UGT1A8: variants seen among roughly 807,000 people sequenced by gnomAD.
UGT1A8 encodes UDP-glucuronosyltransferase 1A8.
Under a neutral mutation model 45.3 loss-of-function variants are expected in UGT1A8, and 39 were observed. That is an observed-to-expected ratio of 0.86 (90% CI 0.67 to 1.12). The LOEUF is 1.12. UGT1A8 is among the 50% of genes most tolerant of loss of function. UGT1A8 has a pLI of 0.00. For synonymous variants in UGT1A8, 275 were observed against 249.2 expected, an observed-to-expected ratio of 1.10 and a Z score of -0.97; for missense variants, 719 against 664.9, an observed-to-expected ratio of 1.08 and a Z score of -0.90.
rs191217588 is a variant in UGT1A8 at position 233,679,346 on chromosome 2, T to G, written c.855+60784T>G. Among the ~76,000 whole-genome samples the G allele has an allele frequency of 6.8e-4, 103 of 152,320 alleles. 1 individual carries two copies. The highest frequency in any genetic ancestry group is 2.0e-3 in the African/African-American group (82 of 41,572). On this transcript the variant is annotated intron_variant, in intron 1 of 4. Coordinates refer to ENST00000373450, the MANE Select transcript of UGT1A8 (RefSeq NM_019076.5). Reference sequence around the variant, plus strand: ...CGCGTTCTTATTGTTGAGTCCTTCTTTTTGTACAACAATAAAACTGTCAGT... The same window carrying G: ...CGCGTTCTTATTGTTGAGTCCTTCTGTTTGTACAACAATAAAACTGTCAGT...
At position 233,649,231 on chromosome 2, in the gene UGT1A8, G is replaced by C. The variant is rs139974672; in HGVS notation, c.855+30669G>C. Among the ~76,000 whole-genome samples, 542 of 152,254 alleles carry C rather than the reference G, an allele frequency of 3.6e-3. 12 individuals carry two copies. The highest frequency in any genetic ancestry group is 5.0e-3 in the East Asian group (26 of 5,188). On this transcript the variant is annotated intron_variant, in intron 1 of 4. Transcript: ENST00000373450. ...GTTAATATGTATGTGTATACGATTG[G>C]TTAATTGCTCATAATTTCCACTGCA...
chr2:233,620,344 T>C (rs1447752435), intron 1 of UGT1A8, among the ~76,000 whole-genome samples: 2 of 152,166 alleles, frequency 1.3e-5, no homozygotes, highest in Non-Finnish European at 2.9e-5. Context: ...TTAATTACAG[T>C]ACCAAGCACC....
intron 1 of UGT1A8, among the ~76,000 whole-genome samples, chr2:233,655,384 A>G (rs1275351931): frequency 6.6e-6 from 1 of 152,160 alleles, no homozygotes; most frequent in Non-Finnish European, 1.5e-5. Context: ...TCATTCCCCA[A>G]GGAGCAGGGA....
At position 233,720,744 on chromosome 2, in the gene UGT1A8, C is replaced by T. The variant is rs190457981; in HGVS notation, c.856-46290C>T. Reference sequence around the variant, plus strand: ...TTCTTGAGACTGAGCCTCGTTCTGTCGCCCAGGCTGGAGGGCAGTGGCCGG... The same window carrying T: ...TTCTTGAGACTGAGCCTCGTTCTGTTGCCCAGGCTGGAGGGCAGTGGCCGG... On this transcript the variant is annotated intron_variant, in intron 1 of 4. Coordinates refer to ENST00000373450, the MANE Select transcript of UGT1A8 (RefSeq NM_019076.5). 3.0e-3 allele frequency among the ~76,000 whole-genome samples: 450 copies of T among 148,806 alleles called. 4 individuals are homozygous for T. Among genetic ancestry groups the T allele is most frequent in the African/African-American group, 0.01 (408 of 40,338 alleles).
intron 1 of UGT1A8, among the ~76,000 whole-genome samples, chr2:233,660,315 A>G (rs989134855): frequency 6.6e-6 from 1 of 152,200 alleles, no homozygotes; most frequent in African/African-American, 2.4e-5. Flanking sequence ...AGTGCCTTGT[A>G]ACCCCTTGTT....
intron 1 of UGT1A8, among the ~76,000 whole-genome samples, chr2:233,720,702 T>C (rs983825744): frequency 6.7e-6 from 1 of 150,354 alleles, no homozygotes; most frequent in African/African-American, 2.5e-5. Flanking sequence ...AAGGGAGCCA[T>C]CCTTTTTTTT....
At chr2:233,714,888 A>ATCTTTTTTTTTT (rs148944858) in intron 1 of UGT1A8, among the ~76,000 whole-genome samples, 15,215 of 151,802 alleles carry the variant, frequency 0.1, 867 homozygotes, top group East Asian at 0.2. Flanking sequence ...AAATTTTTCT[A>ATCTTTTTTTTTT]TCTTTTGAGA....
chr2:233,644,320 C>A (rs951588968), intron 1 of UGT1A8, among the ~76,000 whole-genome samples: 1 of 152,144 alleles, frequency 6.6e-6, no homozygotes, highest in African/African-American at 2.4e-5. Flanking sequence ...GTAATCCCAG[C>A]ACTTAGGGAG....
At chr2:233,673,406 A>AT (rs906939250) in intron 1 of UGT1A8, among the ~76,000 whole-genome samples, 21 of 152,096 alleles carry the variant, frequency 1.4e-4, no homozygotes, top group African/African-American at 4.6e-4. Context: ...GGCATTTTGC[A>AT]TTTTTTGTCT....
chr2:233,686,156 A>G (rs2074775792), intron 1 of UGT1A8, among the ~76,000 whole-genome samples: 1 of 152,322 alleles, frequency 6.6e-6, no homozygotes, highest in East Asian at 1.9e-4. Context: ...GAAATGGATC[A>G]AAGACCTAAA....
chr2:233,749,355 G>C (rs1054552103), intron 1 of UGT1A8, among the ~76,000 whole-genome samples: 3 of 151,804 alleles, frequency 2.0e-5, no homozygotes, highest in African/African-American at 4.9e-5. Flanking sequence ...AATTTAAATA[G>C]TGACTCTTGC....
At chr2:233,697,144 G>T (rs2075378221) in intron 1 of UGT1A8, among the ~76,000 whole-genome samples, 1 of 152,058 alleles carries the variant, frequency 6.6e-6, no homozygotes. Flanking sequence ...AATAGTTTGA[G>T]TGGAACTGGT....
At chr2:233,692,097 C>T (rs527331361) in intron 1 of UGT1A8, 1 of 152,210 alleles carries the variant, frequency 6.6e-6, no homozygotes, top group African/African-American at 2.4e-5. Flanking sequence ...ATTTGATCAC[C>T]GATGGGCAAC....
chr2:233,754,874 G>C, intron 1 of UGT1A8: 2 of 1,352,006 alleles, frequency 1.5e-6, no homozygotes, highest in Admixed American at 1.9e-5. Flanking sequence ...CTCTGCTTCT[G>C]CTTCCCAGGG....
At chr2:233,725,334 T>G (rs2077438073) in intron 1 of UGT1A8, among the ~76,000 whole-genome samples, 1 of 108,502 alleles carries the variant, frequency 9.2e-6, no homozygotes, top group Admixed American at 9.8e-5. Context: ...TCAACAATCT[T>G]AAGTCCAATA....
At chr2:233,758,716 G>T (rs905449123) in intron 1 of UGT1A8, among the ~76,000 whole-genome samples, 10 of 152,140 alleles carry the variant, frequency 6.6e-5, no homozygotes, top group African/African-American at 2.4e-4. Context: ...GTTTCTCTAT[G>T]ATCCTCTAAG....
intron 1 of UGT1A8, among the ~76,000 whole-genome samples, chr2:233,732,830 G>GT (rs1465504396): frequency 3.4e-5 from 5 of 148,534 alleles, no homozygotes; most frequent in African/African-American, 1.0e-4. Context: ...CTTTAAAGTA[G>GT]TTTTTTCCAA....
At chr2:233,621,713 TA>T (rs1047995197) in intron 1 of UGT1A8, among the ~76,000 whole-genome samples, 2 of 152,184 alleles carry the variant, frequency 1.3e-5, no homozygotes, top group African/African-American at 2.4e-5. Context: ...AGAAAACTTT[TA>T]AAGAGAAATT....
chr2:233,719,009 A>G (rs762473757), intron 1 of UGT1A8: 43 of 1,614,078 alleles, frequency 2.7e-5, no homozygotes, highest in Admixed American at 2.3e-4. Flanking sequence ...TCCTCACCCC[A>G]GAGGTGAATA....
Sources: gnomAD v4.1 joint callset for allele counts (sites outside exome capture counted in the v4.1 genomes callset) on GRCh38, gnomAD v4.1.1 for gene constraint, MANE v1.5 for transcripts, NCBI Gene and HGNC (gene_info 2026-07-23, HGNC 2026-07-21) for gene names.